Variants in PTGER3 observed in about 807,000 individuals in gnomAD.
PTGER3 encodes prostaglandin E receptor 3, also known as prostaglandin E2 receptor EP3 subtype.
A neutral mutation model predicts 34.7 loss-of-function variants in PTGER3; 22 were observed. The ratio of observed to expected loss-of-function variants is 0.63; its 90% confidence interval spans 0.45 to 0.91. The LOEUF (loss-of-function observed/expected upper bound fraction) is 0.91. Ranked by LOEUF, PTGER3 falls within the 40% of genes least tolerant of loss-of-function variation. The probability of loss-of-function intolerance (pLI) is 0.00; values close to 1 mark genes in which losing one functional copy is unlikely to be tolerated. For synonymous variants in PTGER3, 241 were observed against 230.1 expected, an observed-to-expected ratio of 1.05 and a Z score of -0.43; for missense variants, 468 against 519.4, an observed-to-expected ratio of 0.90 and a Z score of 0.96.
chr1:71,039,441 G>A (rs978438330), intron 1 of PTGER3, among the ~76,000 whole-genome samples: 2 of 151,902 alleles, frequency 1.3e-5, no homozygotes, highest in African/African-American at 4.8e-5. Context: ...ATGAGGTCAG[G>A]AGATAGAGAC....
intron 4 of PTGER3, among the ~76,000 whole-genome samples, chr1:70,914,039 T>C (rs1342755900): frequency 6.6e-6 from 1 of 151,832 alleles, no homozygotes; most frequent in African/African-American, 2.4e-5. Flanking sequence ...CAATATTTTG[T>C]TTACTTGACT....
At chr1:70,956,271 G>A (rs1464713043) in intron 2 of PTGER3, among the ~76,000 whole-genome samples, 4 of 152,108 alleles carry the variant, frequency 2.6e-5, no homozygotes, top group South Asian at 4.1e-4. Context: ...GTCCAGCTGT[G>A]TACCAGATTA....
In PTGER3 at chr1:71,012,253, T is replaced by C. The variant is rs148806773; in HGVS notation, c.1077+52A>G. ...TGTATTATTTCATTAGATAATGAGA[T>C]AGGCTGCCCTTTCTGTCCATCATTA... On this transcript the variant is annotated intron_variant, in intron 2 of 3. Transcript: ENST00000306666. 9.3e-5 allele frequency: 150 copies of C among 1,613,906 alleles called. 1 individual carries two copies. The South Asian group carries it at 1.2e-3, about 13-fold the overall frequency.
At chr1:70,913,890 G>A (rs886993756) in intron 4 of PTGER3, among the ~76,000 whole-genome samples, 3 of 151,730 alleles carry the variant, frequency 2.0e-5, no homozygotes, top group African/African-American at 2.4e-5. Context: ...TAACAAAAAT[G>A]TTTGTGTCTA....
intron 4 of PTGER3, among the ~76,000 whole-genome samples, chr1:70,887,275 T>C (rs1646518155): frequency 1.3e-5 from 2 of 152,192 alleles, no homozygotes; most frequent in South Asian, 2.1e-4. Context: ...ATTTAGTAAA[T>C]ACATTCCTTC....
At chr1:70,949,739 G>A (rs1344346836), downstream of PTGER3, among the ~76,000 whole-genome samples, 3 of 152,154 alleles carry the variant, frequency 2.0e-5, no homozygotes, top group East Asian at 5.8e-4. Flanking sequence ...TTCTAGGGTA[G>A]CACTGTTCAA....
intron 4 of PTGER3, among the ~76,000 whole-genome samples, chr1:70,895,887 A>G (rs971842351): frequency 4.4e-4 from 67 of 152,218 alleles, no homozygotes; most frequent in Admixed American, 1.4e-3. Flanking sequence ...GGAGAACCAA[A>G]TAAAACTTTT....
rs541589825 is a variant in PTGER3 at position 70,925,436 on chromosome 1, A to G, written c.*23+28327T>C. Among the ~76,000 whole-genome samples the G allele has an allele frequency of 2.0e-5, 3 of 152,348 alleles. No homozygotes were observed. The East Asian group carries it at 5.8e-4, about 29-fold the overall frequency. On this transcript the variant is annotated intron_variant, in intron 4 of 4. Transcript: ENST00000370931. ...AAATGCACTGCTGGATATATTCTTG[A>G]AAATCATACAAGTGTAACAAGATGA...
At chr1:70,925,525 A>T (rs1647983193) in intron 4 of PTGER3, among the ~76,000 whole-genome samples, 1 of 152,204 alleles carries the variant, frequency 6.6e-6, no homozygotes, top group Admixed American at 6.6e-5. Context: ...GCTAATGTCC[A>T]TCAAAAAGAG....
chr1:70,948,127 C>T (rs1444178867), downstream of PTGER3, among the ~76,000 whole-genome samples: 1 of 152,086 alleles, frequency 6.6e-6, no homozygotes, highest in Admixed American at 6.6e-5. Flanking sequence ...AAAACCAATG[C>T]TCTGCAAAAC....
chr1:71,035,302 C>G (rs1468841022), intron 1 of PTGER3, among the ~76,000 whole-genome samples: 1 of 152,136 alleles, frequency 6.6e-6, no homozygotes, highest in African/African-American at 2.4e-5. Context: ...TGTGTTTCTC[C>G]CTTTCCCTTC....
chr1:70,995,253 G>T (rs11209731), intron 2 of PTGER3, among the ~76,000 whole-genome samples: 13 of 151,928 alleles, frequency 8.6e-5, no homozygotes, highest in Non-Finnish European at 1.3e-4. Flanking sequence ...AATGTGTTTG[G>T]GGAGAGGATT....
intron 2 of PTGER3, chr1:71,009,870 G>A (rs564397202): frequency 9.1e-6 from 9 of 984,978 alleles, no homozygotes; most frequent in Admixed American, 6.2e-5. Context: ...TCTAACCACC[G>A]CTCTAGTCTC....
At chr1:70,896,096 A>G (rs1247793636) in intron 4 of PTGER3, among the ~76,000 whole-genome samples, 1 of 152,218 alleles carries the variant, frequency 6.6e-6, no homozygotes, top group African/African-American at 2.4e-5. Flanking sequence ...AAAATGATGA[A>G]GATAGTAGGA....
intron 4 of PTGER3, among the ~76,000 whole-genome samples, chr1:70,870,708 C>G (rs955280364): frequency 6.6e-6 from 1 of 152,178 alleles, no homozygotes. Flanking sequence ...CTCTCAAGTT[C>G]AAACTTCCAC....
At position 70,971,580 on chromosome 1, in the gene PTGER3, G is replaced by A. The variant is rs1653082826; in HGVS notation, c.*150C>T. ...ATAATAATAAAGTTGATCTCCATGG[G>A]TATTACTGACAAAACAATCATTAAA... is the stretch of plus-strand genomic sequence containing the variant. On this transcript the variant is annotated 3_prime_UTR_variant, in exon 4 of 4. Transcript: ENST00000306666. The A allele has an allele frequency of 7.6e-7, 1 of 1,322,442 alleles. No individual in the cohort carries two copies. The highest frequency in any genetic ancestry group is 1.5e-5 in the African/African-American group (1 of 65,008). The allele number at this position is 1,322,442 out of a possible 1,614,324, so 81.9% of individuals were successfully genotyped here. A position where few individuals can be genotyped will look rare whatever the true frequency, so the allele number is the denominator to read the frequency against.
chr1:70,857,736 G>C (rs1240343320), intron 4 of PTGER3, among the ~76,000 whole-genome samples: 3 of 151,960 alleles, frequency 2.0e-5, no homozygotes, highest in Admixed American at 2.0e-4. Context: ...GGGTTTCACT[G>C]TGTTAGCCAG....
At chr1:70,970,411 T>A (rs1262374252), downstream of PTGER3, among the ~76,000 whole-genome samples, 1 of 152,196 alleles carries the variant, frequency 6.6e-6, no homozygotes, top group Non-Finnish European at 1.5e-5. Context: ...TAAGACCATT[T>A]TAAATATAGA....
chr1:70,894,564 A>T (rs1646686865), intron 4 of PTGER3, among the ~76,000 whole-genome samples: 1 of 152,060 alleles, frequency 6.6e-6, no homozygotes, highest in Non-Finnish European at 1.5e-5. Flanking sequence ...TTTTTTTCCC[A>T]AAAAGTATGT....
Sources: allele counts gnomAD v4.1 joint callset (sites outside exome capture counted in the v4.1 genomes callset), GRCh38; gene constraint gnomAD v4.1.1; transcripts MANE v1.5; gene names NCBI Gene and HGNC (gene_info 2026-07-23, HGNC 2026-07-21).